The following GAREM1 variants were observed in gnomAD, a reference collection of about 807,000 sequenced individuals.
GAREM1 encodes the protein GRB2-associated and regulator of MAPK protein 1.
A neutral mutation model predicts 71.3 loss-of-function variants in GAREM1; 26 were observed. The observed-to-expected ratio is 0.36, with a 90% CI of 0.27 to 0.51. The LOEUF (loss-of-function observed/expected upper bound fraction) is 0.51, where lower values mean the gene tolerates loss of function less well. GAREM1 is among the 20% of genes least tolerant of loss of function. The probability of loss-of-function intolerance (pLI) is 0.95; values close to 1 mark genes in which losing one functional copy is unlikely to be tolerated. For synonymous variants in GAREM1, 440 were observed against 433.2 expected (o/e 1.02, Z -0.20); for missense variants, 1,026 against 1,103.1 (o/e 0.93, Z 0.99).
intron 2 of GAREM1, among the ~76,000 whole-genome samples, chr18:32,390,390 G>A (rs1193932914): frequency 6.6e-6 from 1 of 152,132 alleles, no homozygotes; most frequent in Non-Finnish European, 1.5e-5. Context: ...AATTGAGGAA[G>A]ACAGCTTAGA....
chr18:32,295,153 C>T (rs760232468), intron 3 of GAREM1, among the ~76,000 whole-genome samples: 12 of 152,152 alleles, frequency 7.9e-5, no homozygotes, highest in Non-Finnish European at 1.5e-4. Context: ...CAACCTCTGC[C>T]TCCCGGGTTC....
At position 32,463,148 on chromosome 18, in the gene GAREM1, CATA is replaced by C. The variant is rs571338624; in HGVS notation, c.121+7157_121+7159del. On this transcript the variant is annotated intron_variant, in intron 1 of 5. Coordinates refer to ENST00000269209, the MANE Select transcript of GAREM1 (RefSeq NM_001242409.2). ...GCTAATTAGCCTGATTTGATCATTGCATAATGTGTACATATACTGAAATGCCAC... is the reference window on the plus strand; with the variant it reads ...GCTAATTAGCCTGATTTGATCATTGCATGTGTACATATACTGAAATGCCAC... 3.0e-3 allele frequency among the ~76,000 whole-genome samples: 458 copies of C among 152,088 alleles called. 3 individuals carry two copies. Among genetic ancestry groups the C allele is most frequent in the African/African-American group, 0.011 (442 of 41,458 alleles).
chr18:32,436,372 T>C (rs1568010838), intron 1 of GAREM1, among the ~76,000 whole-genome samples: 1 of 152,238 alleles, frequency 6.6e-6, no homozygotes, highest in Non-Finnish European at 1.5e-5. Flanking sequence ...CAGTTGTGTG[T>C]GTGTGTATGA....
At chr18:32,434,225 G>C (rs2048653124) in intron 1 of GAREM1, among the ~76,000 whole-genome samples, 1 of 152,154 alleles carries the variant, frequency 6.6e-6, no homozygotes, top group South Asian at 2.1e-4. Flanking sequence ...TGTTGTGTTA[G>C]GTATCAGAGT....
chr18:32,356,463 TCTC>T (rs2047806361), intron 2 of GAREM1, among the ~76,000 whole-genome samples: 2 of 152,188 alleles, frequency 1.3e-5, no homozygotes, highest in South Asian at 4.1e-4. Context: ...GATATATCCC[TCTC>T]CTATTTAATG....
At chr18:32,295,919 C>T (rs576154183) in intron 3 of GAREM1, among the ~76,000 whole-genome samples, 5 of 151,976 alleles carry the variant, frequency 3.3e-5, no homozygotes, top group African/African-American at 1.2e-4. Context: ...AGATGCTAGG[C>T]ATCTAAATTC....
chr18:32,420,432 A>G (rs1472942643), intron 1 of GAREM1, among the ~76,000 whole-genome samples: 2 of 151,412 alleles, frequency 1.3e-5, no homozygotes, highest in Non-Finnish European at 2.9e-5. Context: ...ACTCCTACAC[A>G]TCTCTACCTC....
chr18:32,364,223 T>C (rs55866517), intron 2 of GAREM1, among the ~76,000 whole-genome samples: 13,036 of 150,158 alleles, frequency 0.087, 890 homozygotes, highest in African/African-American at 0.19. Flanking sequence ...TTAGTACAGA[T>C]GGGGTTTGAC....
chr18:32,270,665 C>T (rs149504185), intron 4 of GAREM1, among the ~76,000 whole-genome samples: 3 of 152,062 alleles, frequency 2.0e-5, no homozygotes, highest in South Asian at 2.1e-4. Context: ...ATATGAAATA[C>T]GGCAAGTTAA....
At chr18:32,460,597 A>C (rs910825358) in intron 1 of GAREM1, among the ~76,000 whole-genome samples, 31 of 152,192 alleles carry the variant, frequency 2.0e-4, no homozygotes, top group African/African-American at 7.5e-4. Context: ...TTCAGACACT[A>C]CTGTTTCAAG....
At position 32,267,718 on chromosome 18, in the gene GAREM1, C is replaced by G; in HGVS notation, c.*153G>C. 1 of 618,752 alleles carries G rather than the reference C, an allele frequency of 1.6e-6. No homozygotes were observed. Among genetic ancestry groups the G allele is most frequent in the Non-Finnish European group, 2.8e-6 (1 of 356,992 alleles). 38.3% of individuals were successfully genotyped at this position (618,752 alleles called of 1,614,324 possible). On this transcript the variant is annotated 3_prime_UTR_variant, in exon 6 of 6. Transcript: ENST00000269209. ...ATTGATGTACAAAATAGCCTGTTCACCATTCAAAAACGTAATCTGCATAGT... is the reference window on the plus strand; with the variant it reads ...ATTGATGTACAAAATAGCCTGTTCAGCATTCAAAAACGTAATCTGCATAGT...
intron 4 of GAREM1, among the ~76,000 whole-genome samples, chr18:32,276,760 A>T (rs1277173022): frequency 6.6e-6 from 1 of 152,196 alleles, no homozygotes. Context: ...AAAGCAGAGG[A>T]GGTCAGTTTT....
intron 2 of GAREM1, among the ~76,000 whole-genome samples, chr18:32,349,521 A>G (rs2047727752): frequency 6.6e-6 from 1 of 152,188 alleles, no homozygotes; most frequent in South Asian, 2.1e-4. Context: ...CATCTCCTAC[A>G]CAGAGGTATT....
chr18:32,279,846 G>A (rs2041591324), intron 4 of GAREM1, among the ~76,000 whole-genome samples: 1 of 151,894 alleles, frequency 6.6e-6, no homozygotes, highest in Non-Finnish European at 1.5e-5. Context: ...AGACACAGAA[G>A]AAGAAAAAAA....
intron 2 of GAREM1, among the ~76,000 whole-genome samples, chr18:32,332,635 C>A (rs2047548916): frequency 6.6e-6 from 1 of 152,102 alleles, no homozygotes; most frequent in South Asian, 2.1e-4. Context: ...GTAGCTGAGT[C>A]CCACTCTCCT....
Position 32,270,207 on chromosome 18 carries a change from G to A in GAREM1, c.1733+10C>T, listed in dbSNP as rs1254017753. The stretch of plus-strand genomic sequence containing the variant: ...ATAAGCGTGCAGTGGGACCTGGCAG[G>A]AAGACTTACATGTTGTGTAGCCCTG... On this transcript the variant is annotated intron_variant, in intron 5 of 5. Transcript: ENST00000269209. 1 of 1,613,446 alleles carries A rather than the reference G, an allele frequency of 6.2e-7. No homozygotes were observed. Among genetic ancestry groups the A allele is most frequent in the African/African-American group, 1.3e-5 (1 of 75,040 alleles).
chr18:32,470,333 C>T lies in GAREM1; in HGVS notation c.96G>A (p.Leu32=), dbSNP rs749157263. The stretch of plus-strand genomic sequence containing the variant: ...CGTTGTCCAGGCGCGCGATCTGGGG[C>T]AGCCGGTAAGTGCTGACCAGGAGGT... The part of the protein sequence containing the change: ...PLDLLVSTYR[L]PQIARLDNGE... Residue 32 remains leucine (L), a synonymous_variant, in exon 1 of 6, where the codon CTG becomes CTA. Coordinates refer to ENST00000269209, the MANE Select transcript of GAREM1 (RefSeq NM_001242409.2). This position sits in a 1 kb window ranked among gnomAD's most constrained non-coding sequence, Gnocchi z 4.4. The T allele has an allele frequency of 9.0e-6, 14 of 1,563,928 alleles. No individual in the cohort carries two copies. Among genetic ancestry groups the T allele is most frequent in the African/African-American group, 1.4e-5 (1 of 71,086 alleles).
chr18:32,343,427 G>A (rs1169356400), intron 2 of GAREM1, among the ~76,000 whole-genome samples: 2 of 148,502 alleles, frequency 1.3e-5, no homozygotes, highest in African/African-American at 5.0e-5. Flanking sequence ...TGATTCTCCT[G>A]CCTCAGCCTC....
chr18:32,356,128 T>C (rs2047802149), intron 2 of GAREM1, among the ~76,000 whole-genome samples: 1 of 152,176 alleles, frequency 6.6e-6, no homozygotes, highest in African/African-American at 2.4e-5. Flanking sequence ...GAGAAAGGAA[T>C]GAATCACCAT....
Sources: allele counts gnomAD v4.1 joint callset (sites outside exome capture counted in the v4.1 genomes callset), GRCh38; gene constraint gnomAD v4.1.1; non-coding constraint Gnocchi (gnomAD v3.1); transcripts MANE v1.5; gene names NCBI Gene and HGNC (gene_info 2026-07-23, HGNC 2026-07-21).